Variants in ZFPM2 observed in about 807,000 individuals in gnomAD.
The protein encoded by ZFPM2 is zinc finger protein ZFPM2.
ZFPM2 carries 20 observed loss-of-function variants against 98.6 expected under a neutral mutation model. That is an observed-to-expected ratio of 0.20 (90% CI 0.14 to 0.29). The LOEUF (loss-of-function observed/expected upper bound fraction) is 0.29, where lower values mean the gene tolerates loss of function less well. Ranked by LOEUF, ZFPM2 falls within the 10% of genes least tolerant of loss-of-function variation. The probability of loss-of-function intolerance (pLI) is 1.00; values close to 1 mark genes in which losing one functional copy is unlikely to be tolerated. For synonymous variants in ZFPM2, 518 were observed against 502.7 expected (o/e 1.03, Z -0.41); for missense variants, 1,310 against 1,388.6 (o/e 0.94, Z 0.90).
chr8:105,328,615 A>C (rs1463197756), intron 1 of ZFPM2, among the ~76,000 whole-genome samples: 1 of 151,868 alleles, frequency 6.6e-6, no homozygotes, highest in Non-Finnish European at 1.5e-5. Flanking sequence ...TGAAGGTTTA[A>C]ACATGTTTTT....
intron 4 of ZFPM2, among the ~76,000 whole-genome samples, chr8:105,582,718 T>C (rs1289594484): frequency 2.0e-5 from 3 of 152,074 alleles, no homozygotes; most frequent in African/African-American, 7.2e-5. Context: ...CTCAGCCTCC[T>C]GAGTAGCTGG....
At chr8:105,518,367 T>C (rs571291940) in intron 3 of ZFPM2, among the ~76,000 whole-genome samples, 1 of 152,330 alleles carries the variant, frequency 6.6e-6, no homozygotes, top group Admixed American at 6.5e-5. Context: ...TAGCAACTCG[T>C]CTTTCATGGT....
intron 5 of ZFPM2, among the ~76,000 whole-genome samples, chr8:105,647,628 T>C (rs553480080): frequency 6.6e-6 from 1 of 151,498 alleles, no homozygotes; most frequent in Non-Finnish European, 1.5e-5. Flanking sequence ...ACATGTGGTG[T>C]TCAGTTTTTT....
At chr8:105,416,798 G>C (rs973740048) in intron 1 of ZFPM2, among the ~76,000 whole-genome samples, 4 of 151,844 alleles carry the variant, frequency 2.6e-5, no homozygotes, top group African/African-American at 9.7e-5. Flanking sequence ...TAATATTTTG[G>C]TTGACTTTCA....
In ZFPM2 at chr8:105,772,218, A is replaced by G. The variant is rs150521432; in HGVS notation, c.533-16500A>G. Among the ~76,000 whole-genome samples, 1,104 of 152,268 alleles carry G rather than the reference A, an allele frequency of 7.3e-3. 3 individuals carry two copies. Among genetic ancestry groups the G allele is most frequent in the Non-Finnish European group, 0.012 (785 of 68,010 alleles). On this transcript the variant is annotated intron_variant, in intron 5 of 7. Transcript: ENST00000407775. ...GGCAAGGGTTGAGGGTTGAGAATGT[A>G]GTGTGATGATGACTACCTTTGTAAT...
chr8:105,572,785 T>C (rs549093798), intron 4 of ZFPM2, among the ~76,000 whole-genome samples: 2 of 152,342 alleles, frequency 1.3e-5, no homozygotes, highest in African/African-American at 4.8e-5. Flanking sequence ...TTGTTCTTTA[T>C]TATTCATTGA....
chr8:105,687,266 T>C (rs933241463), intron 5 of ZFPM2, among the ~76,000 whole-genome samples: 1 of 152,204 alleles, frequency 6.6e-6, no homozygotes, highest in Admixed American at 6.5e-5. Flanking sequence ...ATGCTGTTGT[T>C]GTTGAGTCAT....
intron 1 of ZFPM2, among the ~76,000 whole-genome samples, chr8:105,364,442 G>A (rs1240801479): frequency 6.6e-6 from 1 of 151,920 alleles, no homozygotes; most frequent in Admixed American, 6.6e-5. Context: ...GGAAAAAGAG[G>A]TTCAGGGAAA....
At chr8:105,354,254 G>A (rs1345818387) in intron 1 of ZFPM2, among the ~76,000 whole-genome samples, 2 of 152,156 alleles carry the variant, frequency 1.3e-5, no homozygotes, top group Admixed American at 1.3e-4. Flanking sequence ...GAACAGCTGT[G>A]TTTTAAAGGA....
rs1403121103 is a variant in ZFPM2, at chr8:105,337,504, C to A, written c.40+18523C>A. Reference sequence around the variant, plus strand: ...AAATTCTTTGCCTTTCTCCTCTTTCCCACCCTTGCCAATATTACAGAAACT... The same window carrying A: ...AAATTCTTTGCCTTTCTCCTCTTTCACACCCTTGCCAATATTACAGAAACT... On this transcript the variant is annotated intron_variant, in intron 1 of 7. Coordinates refer to ENST00000407775, the MANE Select transcript of ZFPM2 (RefSeq NM_012082.4). Among the ~76,000 whole-genome samples, 3 of 151,602 alleles carry A rather than the reference C, an allele frequency of 2.0e-5. No homozygotes were observed. The East Asian group carries it at 5.8e-4, about 29-fold the overall frequency.
At chr8:105,638,077 CT>C in intron 5 of ZFPM2, among the ~76,000 whole-genome samples, 1 of 115,738 alleles carries the variant, frequency 8.6e-6, no homozygotes, top group African/African-American at 3.0e-5. Flanking sequence ...CCCAAACTCT[CT>C]CTCTCTATCG....
intron 1 of ZFPM2, among the ~76,000 whole-genome samples, chr8:105,363,820 A>T (rs1187693530): frequency 6.6e-6 from 1 of 152,166 alleles, no homozygotes; most frequent in African/African-American, 2.4e-5. Context: ...TGTGTAAGCC[A>T]TGAGATCTGA....
chr8:105,359,222 T>G (rs1045263955), intron 1 of ZFPM2, among the ~76,000 whole-genome samples: 1 of 152,144 alleles, frequency 6.6e-6, no homozygotes, highest in African/African-American at 2.4e-5. Flanking sequence ...TGCCACCATG[T>G]AAGACATGCC....
intron 2 of ZFPM2, among the ~76,000 whole-genome samples, chr8:105,420,368 T>A (rs964492098): frequency 6.6e-6 from 1 of 152,156 alleles, no homozygotes; most frequent in African/African-American, 2.4e-5. Flanking sequence ...TATCATTTTC[T>A]CTTGTTGATG....
chr8:105,608,991 A>T, intron 4 of ZFPM2, among the ~76,000 whole-genome samples: 1 of 152,140 alleles, frequency 6.6e-6, no homozygotes, highest in East Asian at 1.9e-4. Flanking sequence ...TGAACAAGGA[A>T]AGAAGAGACA....
chr8:105,751,944 T>G (rs1228140917), intron 5 of ZFPM2, among the ~76,000 whole-genome samples: 1 of 152,150 alleles, frequency 6.6e-6, no homozygotes, highest in Admixed American at 6.6e-5. Context: ...AAACTAGCAT[T>G]AGTCGAATCC....
intron 5 of ZFPM2, among the ~76,000 whole-genome samples, chr8:105,714,727 T>C (rs897665609): frequency 2.6e-5 from 4 of 152,042 alleles, no homozygotes; most frequent in Admixed American, 6.6e-5. Context: ...TAGCTTGAAG[T>C]TGGCCATAGT....
chr8:105,731,033 A>C (rs1376584867), intron 5 of ZFPM2, among the ~76,000 whole-genome samples: 1 of 151,646 alleles, frequency 6.6e-6, no homozygotes, highest in Non-Finnish European at 1.5e-5. Flanking sequence ...AGGCTTTTGT[A>C]GATATGAACA....
chr8:105,766,799 A>G (rs1158225469), intron 5 of ZFPM2, among the ~76,000 whole-genome samples: 1 of 151,842 alleles, frequency 6.6e-6, no homozygotes, highest in African/African-American at 2.4e-5. Context: ...TAGGTTGGCA[A>G]TATTGCCAGC....
Sources: gnomAD v4.1 joint callset for allele counts (sites outside exome capture counted in the v4.1 genomes callset) on GRCh38, gnomAD v4.1.1 for gene constraint, MANE v1.5 for transcripts, NCBI Gene and HGNC (gene_info 2026-07-23, HGNC 2026-07-21) for gene names.